Variants in AGBL4 observed in about 807,000 individuals in gnomAD.
AGBL4 encodes the protein cytosolic carboxypeptidase 6.
Under a neutral mutation model 66.4 loss-of-function variants are expected in AGBL4, and 58 were observed. That is an observed-to-expected ratio of 0.87 (90% confidence interval 0.71 to 1.09). The LOEUF is 1.09. Ranked by LOEUF, AGBL4 falls within the 50% of genes least tolerant of loss-of-function variation. The pLI is 0.00. For synonymous variants in AGBL4, 234 were observed against 222.9 expected (o/e 1.05, Z -0.44); for missense variants, 579 against 631.0 (o/e 0.92, Z 0.88).
intron 11 of AGBL4, among the ~76,000 whole-genome samples, chr1:48,572,024 T>G (rs987085039): frequency 6.6e-6 from 1 of 152,096 alleles, no homozygotes; most frequent in African/African-American, 2.4e-5. Flanking sequence ...TCAATAGGTA[T>G]TACACTATTT....
At chr1:49,123,395 T>C (rs531476497) in intron 4 of AGBL4, among the ~76,000 whole-genome samples, 9 of 152,328 alleles carry the variant, frequency 5.9e-5, no homozygotes, top group Non-Finnish European at 1.0e-4. Context: ...CCACTCAATA[T>C]TTATGAAAAG....
intron 3 of AGBL4, among the ~76,000 whole-genome samples, chr1:49,565,166 T>C (rs1431060403): frequency 1.3e-5 from 2 of 152,206 alleles, no homozygotes; most frequent in Non-Finnish European, 2.9e-5. Flanking sequence ...TGGTAGATCT[T>C]CCTCCATCCC....
rs148287954 is a variant in AGBL4, at chr1:48,961,827, C to T, written c.594+83757G>A. 2.9e-3 allele frequency among the ~76,000 whole-genome samples: 442 copies of T among 152,306 alleles called. 2 individuals are homozygous for T. Among genetic ancestry groups the T allele is most frequent in the African/African-American group, 0.01 (423 of 41,564 alleles). ...GAGGCCTGGGTCTCTGCCCTACAGCCTACTTCACCTAAGATCAGGAGCCAC... is the reference window on the plus strand; with the variant it reads ...GAGGCCTGGGTCTCTGCCCTACAGCTTACTTCACCTAAGATCAGGAGCCAC... On this transcript the variant is annotated intron_variant, in intron 5 of 13. Transcript: ENST00000371839.
intron 4 of AGBL4, among the ~76,000 whole-genome samples, chr1:49,121,774 G>A (rs183768402): frequency 3.7e-4 from 56 of 152,348 alleles, no homozygotes; most frequent in African/African-American, 1.3e-3. Flanking sequence ...GTCTGCAGAA[G>A]TTGTCTGCTG....
rs535066649 is a variant in AGBL4, at chr1:48,925,364, T to C, written c.595-58134A>G. Among the ~76,000 whole-genome samples the C allele has an allele frequency of 2.6e-4, 40 of 152,330 alleles. No homozygotes were observed. In the South Asian group the frequency reaches 4.6e-3, roughly 17 times the overall value. ...ATTACTTCTAATACCAAATACAATG[T>C]AAATTCTGTGTAAATAGTTGTTTTA... On this transcript the variant is annotated intron_variant, in intron 5 of 13. Transcript: ENST00000371839.
At chr1:49,868,393 G>A (rs1646758240) in intron 1 of AGBL4, among the ~76,000 whole-genome samples, 1 of 152,200 alleles carries the variant, frequency 6.6e-6, no homozygotes, top group South Asian at 2.1e-4. Context: ...CAAGGCTAAA[G>A]TAACCAAAAC....
intron 3 of AGBL4, among the ~76,000 whole-genome samples, chr1:49,468,942 C>T (rs1049969756): frequency 6.6e-6 from 1 of 151,790 alleles, no homozygotes; most frequent in Non-Finnish European, 1.5e-5. Flanking sequence ...TGGATGACTA[C>T]GTACACAGTG....
At chr1:49,558,764 G>C (rs952200385) in intron 3 of AGBL4, among the ~76,000 whole-genome samples, 1 of 152,112 alleles carries the variant, frequency 6.6e-6, no homozygotes, top group Non-Finnish European at 1.5e-5. Flanking sequence ...ACTGACTTAA[G>C]AGCTCTTGAG....
intron 3 of AGBL4, among the ~76,000 whole-genome samples, chr1:49,383,803 A>C (rs200225809): frequency 6.9e-6 from 1 of 144,598 alleles, no homozygotes; most frequent in Non-Finnish European, 1.5e-5. Context: ...ATATATATAT[A>C]TTTTTTTTTT....
chr1:49,064,410 A>G (rs905402365), intron 4 of AGBL4, among the ~76,000 whole-genome samples: 6 of 152,196 alleles, frequency 3.9e-5, no homozygotes, highest in Non-Finnish European at 7.4e-5. Context: ...TCTTTAGCAG[A>G]GAGAAAATAA....
chr1:49,691,077 G>A (rs1646877822), intron 3 of AGBL4, among the ~76,000 whole-genome samples: 1 of 152,120 alleles, frequency 6.6e-6, no homozygotes, highest in South Asian at 2.1e-4. Context: ...GGTGGAGGAG[G>A]AGGTGAAGGA....
At chr1:49,664,826 T>C (rs970589544) in intron 3 of AGBL4, among the ~76,000 whole-genome samples, 1 of 152,104 alleles carries the variant, frequency 6.6e-6, no homozygotes, top group Non-Finnish European at 1.5e-5. Context: ...ATACAAACAG[T>C]ATTCAGTATG....
chr1:48,962,096 C>CCCATCCAT (rs372705417), intron 5 of AGBL4, among the ~76,000 whole-genome samples: 2,312 of 151,138 alleles, frequency 0.015, 63 homozygotes, highest in African/African-American at 0.05. Context: ...CTTAAAAGAT[C>CCCATCCAT]CCATCCATCC....
At chr1:48,669,393 A>G (rs1646241080) in intron 6 of AGBL4, among the ~76,000 whole-genome samples, 1 of 152,170 alleles carries the variant, frequency 6.6e-6, no homozygotes, top group Non-Finnish European at 1.5e-5. Flanking sequence ...GCGGGTGCTG[A>G]GCTGTGCATT....
At chr1:49,125,977 G>T (rs1199380627) in intron 4 of AGBL4, among the ~76,000 whole-genome samples, 1 of 152,074 alleles carries the variant, frequency 6.6e-6, no homozygotes, top group Non-Finnish European at 1.5e-5. Context: ...ATTTTTGTCT[G>T]CTCCCAAGTA....
intron 4 of AGBL4, among the ~76,000 whole-genome samples, chr1:49,241,444 C>T (rs1651228125): frequency 6.6e-6 from 1 of 152,044 alleles, no homozygotes; most frequent in Non-Finnish European, 1.5e-5. Flanking sequence ...AACAATACTT[C>T]CTAAGGAAGG....
intron 5 of AGBL4, among the ~76,000 whole-genome samples, chr1:49,032,449 T>C (rs1243524595): frequency 6.6e-6 from 1 of 152,140 alleles, no homozygotes; most frequent in Non-Finnish European, 1.5e-5. Flanking sequence ...AACATGTCTT[T>C]TCATATAATC....
rs537166383 is a variant in AGBL4 at position 49,326,920 on chromosome 1, T to A, written c.283-81056A>T. On this transcript the variant is annotated intron_variant, in intron 3 of 13. Coordinates refer to ENST00000371839, the MANE Select transcript of AGBL4 (RefSeq NM_032785.4). The stretch of plus-strand genomic sequence containing the variant: ...CAAGGCATTGACATTATTACATTGC[T>A]TCTGGGGCTCTAGGGGAGAATCTGT... Among the ~76,000 whole-genome samples the A allele has an allele frequency of 1.8e-3, 268 of 152,306 alleles. 4 individuals are homozygous for A. In the South Asian group the frequency reaches 0.023, roughly 13 times the overall value.
intron 3 of AGBL4, among the ~76,000 whole-genome samples, chr1:49,279,220 T>C (rs1015177414): frequency 6.6e-6 from 1 of 152,160 alleles, no homozygotes; most frequent in African/African-American, 2.4e-5. Flanking sequence ...GGCATGAATT[T>C]TTCATGACTG....
Sources: allele counts gnomAD v4.1 joint callset (sites outside exome capture counted in the v4.1 genomes callset), GRCh38; gene constraint gnomAD v4.1.1; transcripts MANE v1.5; gene names NCBI Gene and HGNC (gene_info 2026-07-23, HGNC 2026-07-21).